The following PES1 variants were observed in gnomAD, a reference collection of about 807,000 sequenced individuals.
The protein encoded by PES1 is pescadillo ribosomal biogenesis factor 1.
Under a neutral mutation model 77.1 loss-of-function variants are expected in PES1, and 31 were observed. The observed-to-expected ratio is 0.40, with a 90% CI of 0.30 to 0.54. The LOEUF (loss-of-function observed/expected upper bound fraction) is 0.54, where lower values mean the gene tolerates loss of function less well. Ranked by LOEUF, PES1 falls within the 20% of genes least tolerant of loss-of-function variation. PES1 has a pLI of 0.45. For missense variants in PES1, 658 were observed against 771.7 expected, an observed-to-expected ratio of 0.85 and a Z score of 1.75; for synonymous variants, 282 against 303.0, an observed-to-expected ratio of 0.93 and a Z score of 0.72.
At chr22:30,584,064 C>T (rs1390674734) in intron 6 of PES1, among the ~76,000 whole-genome samples, 12 of 152,236 alleles carry the variant, frequency 7.9e-5, no homozygotes, top group Admixed American at 3.9e-4. Context: ...ACTGTTTATT[C>T]GGCCCTAAAA....
At chr22:30,602,307 T>A (rs1487739731) in intron 2 of PES1, among the ~76,000 whole-genome samples, 1 of 152,100 alleles carries the variant, frequency 6.6e-6, no homozygotes, top group African/African-American at 2.4e-5. Context: ...GGTGCTTGCT[T>A]CCCCTTTGCT....
At chr22:30,600,234 T>TGAGG (rs1382930381) in intron 2 of PES1, among the ~76,000 whole-genome samples, 1 of 151,196 alleles carries the variant, frequency 6.6e-6, no homozygotes, top group Non-Finnish European at 1.5e-5. Context: ...CTTGGGAGGA[T>TGAGG]GAGGTGCAAG....
intron 2 of PES1, among the ~76,000 whole-genome samples, chr22:30,597,260 G>A (rs1300070996): frequency 6.6e-6 from 1 of 151,966 alleles, no homozygotes; most frequent in Non-Finnish European, 1.5e-5. Flanking sequence ...GAGCATGAGA[G>A]CAGGACTGGC....
At chr22:30,603,795 C>T (rs1379392373) in intron 2 of PES1, 1 of 152,134 alleles carries the variant, frequency 6.6e-6, no homozygotes, top group African/African-American at 2.4e-5. Context: ...TTCATGCATA[C>T]AATTTTATTT....
At chr22:30,593,379 T>G (rs530233566), upstream of PES1, among the ~76,000 whole-genome samples, 95 of 151,868 alleles carry the variant, frequency 6.3e-4, 1 homozygote, top group South Asian at 9.6e-3. Context: ...CCCAGCTAGT[T>G]GGGAGGCTGA....
Position 30,587,277 on chromosome 22 carries a change from C to T in PES1, c.368+9G>A. On this transcript the variant is annotated intron_variant, in intron 4 of 14. Coordinates refer to ENST00000354694, the MANE Select transcript of PES1 (RefSeq NM_014303.4). ...GAAACAGCAGTGTCCTGAGGAAAGC[C>T]CGGCTCACCGTTCCTTGATGATGTG... is the stretch of plus-strand genomic sequence containing the variant. 1 of 1,588,474 alleles carries T rather than the reference C, an allele frequency of 6.3e-7. No individual in the cohort carries two copies.
At position 30,576,918 on chromosome 22, in the gene PES1, G is replaced by A. The variant is rs1363817444; in HGVS notation, c.*128C>T. The A allele has an allele frequency of 2.7e-5, 21 of 787,706 alleles. No individual in the cohort carries two copies. Among genetic ancestry groups the A allele is most frequent in the Non-Finnish European group, 4.6e-5 (21 of 456,456 alleles). 48.8% of individuals were successfully genotyped at this position (787,706 alleles called of 1,614,324 possible). On this transcript the variant is annotated 3_prime_UTR_variant, in exon 15 of 15. Transcript: ENST00000354694. ...ACTGGCCCAGCCAGAGAGCATGAGGGGTCAGGGCTGGCTGGAGAAAGGAGG... is the reference window on the plus strand; with the variant it reads ...ACTGGCCCAGCCAGAGAGCATGAGGAGTCAGGGCTGGCTGGAGAAAGGAGG...
At chr22:30,600,622 C>G (rs1009871392) in intron 2 of PES1, among the ~76,000 whole-genome samples, 1 of 152,214 alleles carries the variant, frequency 6.6e-6, no homozygotes, top group African/African-American at 2.4e-5. Flanking sequence ...GGAGACCATC[C>G]TGGCTAACAC....
At chr22:30,596,813 C>A (rs904113556), upstream of PES1, among the ~76,000 whole-genome samples, 1 of 152,224 alleles carries the variant, frequency 6.6e-6, no homozygotes, top group African/African-American at 2.4e-5. Flanking sequence ...CTTCTCTGGG[C>A]TGGCTGAGGC....
chr22:30,599,880 A>G (rs1237942426), intron 2 of PES1, among the ~76,000 whole-genome samples: 5 of 152,246 alleles, frequency 3.3e-5, no homozygotes, highest in Non-Finnish European at 5.9e-5. Flanking sequence ...AGCCTGGGCA[A>G]TAAGAGAAAT....
chr22:30,580,757 G>A, intron 9 of PES1, 56 bp from the exon 10 acceptor site: 1 of 1,607,186 alleles, frequency 6.2e-7, no homozygotes, highest in South Asian at 1.1e-5. Flanking sequence ...CCCACTGGAG[G>A]GCCAGGGCTG....
chr22:30,597,104 G>A (rs2146489803), intron 2 of PES1, among the ~76,000 whole-genome samples: 1 of 152,296 alleles, frequency 6.6e-6, no homozygotes, highest in South Asian at 2.1e-4. Flanking sequence ...TCCCCGTGGG[G>A]CAGGGCTCAG....
chr22:30,582,963 G>A (rs1291567269), intron 6 of PES1, among the ~76,000 whole-genome samples: 1 of 152,194 alleles, frequency 6.6e-6, no homozygotes, highest in Non-Finnish European at 1.5e-5. Context: ...CTCCCCATCC[G>A]CTGAGAGGAA....
chr22:30,591,217 T>G (rs1217240756), intron 1 of PES1, among the ~76,000 whole-genome samples: 1 of 152,196 alleles, frequency 6.6e-6, no homozygotes, highest in Non-Finnish European at 1.5e-5. Flanking sequence ...ATACAGTACG[T>G]GTCCAACCCC....
chr22:30,588,784 G>A (rs1161020152), intron 2 of PES1, among the ~76,000 whole-genome samples: 5 of 151,186 alleles, frequency 3.3e-5, no homozygotes, highest in Non-Finnish European at 7.4e-5. Context: ...CTCTGTCTCC[G>A]GGGAAAAAAA....
intron 2 of PES1, among the ~76,000 whole-genome samples, chr22:30,602,262 C>T (rs1257264038): frequency 3.9e-5 from 6 of 152,086 alleles, no homozygotes; most frequent in African/African-American, 1.2e-4. Flanking sequence ...AAGTGTGGCA[C>T]TTTCTCAATC....
chr22:30,606,906 G>T, exon 1 of PES1: 1 of 1,062,736 alleles, frequency 9.4e-7, no homozygotes, highest in Non-Finnish European at 1.1e-6. Flanking sequence ...GTAGGCACCC[G>T]GTCCTGCCAA....
chr22:30,587,639 T>C (rs1158016215), intron 3 of PES1, among the ~76,000 whole-genome samples: 2 of 152,164 alleles, frequency 1.3e-5, no homozygotes, highest in Non-Finnish European at 2.9e-5. Context: ...TGCACAGATG[T>C]CCCAACTCCA....
intron 6 of PES1, among the ~76,000 whole-genome samples, chr22:30,582,730 A>G (rs1017965210): frequency 6.6e-6 from 1 of 152,172 alleles, no homozygotes; most frequent in Non-Finnish European, 1.5e-5. Context: ...ACATAGGGCC[A>G]AGAGAAGCCC....
Sources: gnomAD v4.1 joint callset for allele counts (sites outside exome capture counted in the v4.1 genomes callset) on GRCh38, gnomAD v4.1.1 for gene constraint, MANE v1.5 for transcripts, NCBI Gene and HGNC (gene_info 2026-07-23, HGNC 2026-07-21) for gene names.